The following LHX4 variants were observed in gnomAD, a reference collection of about 807,000 sequenced individuals.
The protein encoded by LHX4 is LIM/homeobox protein Lhx4.
A neutral mutation model predicts 39.2 loss-of-function variants in LHX4; 16 were observed. The observed-to-expected ratio is 0.41, with a 90% confidence interval of 0.28 to 0.62. The LOEUF (loss-of-function observed/expected upper bound fraction) is 0.62. Among genes scored for constraint, LHX4 ranks in the 20% least tolerant of loss-of-function variants. The pLI, the probability that LHX4 is intolerant of heterozygous loss-of-function variation, is 0.33. For missense variants in LHX4, 439 were observed against 511.9 expected (o/e 0.86, Z 1.37); for synonymous variants, 206 against 198.1 (o/e 1.04, Z -0.33).
At position 180,266,911 on chromosome 1, in the gene LHX4, AGGCTGGGGTGCTGAGGGGT is replaced by A. The variant is rs1447042500; in HGVS notation, c.451+325_451+343del. ...GGTGGTGGCCTCCTTCCCTGGGTGG[AGGCTGGGGTGCTGAGGGGT>A]GGCTGGGAGCTTGGTCTGTATTGGA... On this transcript the variant is annotated intron_variant, in intron 3 of 5. Coordinates refer to ENST00000263726, the MANE Select transcript of LHX4 (RefSeq NM_033343.4). This position sits in a 1 kb window ranked among gnomAD's most constrained non-coding sequence, Gnocchi z 5.7. Among the ~76,000 whole-genome samples, 2 of 152,120 alleles carry A rather than the reference AGGCTGGGGTGCTGAGGGGT, an allele frequency of 1.3e-5. No homozygotes were observed. The highest frequency in any genetic ancestry group is 2.9e-5 in the Non-Finnish European group (2 of 68,010).
chr1:180,238,641 AT>A (rs1322266641), intron 1 of LHX4, among the ~76,000 whole-genome samples: 1 of 152,174 alleles, frequency 6.6e-6, no homozygotes, highest in Non-Finnish European at 1.5e-5. Context: ...TAATGTTGGA[AT>A]TTTGTGCTTT....
chr1:180,230,015 GC>G (rs914433549), upstream of LHX4, among the ~76,000 whole-genome samples: 1 of 123,058 alleles, frequency 8.1e-6, no homozygotes, highest in Non-Finnish European at 1.6e-5. This position sits in a 1 kb window ranked among gnomAD's most constrained non-coding sequence, Gnocchi z 5.8. Context: ...CTGCCGCCCC[GC>G]CCCCCTCCGC....
At chr1:180,231,380 C>G (rs992737434) in intron 1 of LHX4, among the ~76,000 whole-genome samples, 2 of 151,794 alleles carry the variant, frequency 1.3e-5, no homozygotes, top group Non-Finnish European at 2.9e-5. Flanking sequence ...TTCCCGCGCC[C>G]GAAATTAGCG....
At position 180,277,663 on chromosome 1, in the gene LHX4, C is replaced by T. The variant is rs985881566; in HGVS notation, c.*3084C>T. On this transcript the variant is annotated 3_prime_UTR_variant, in exon 6 of 6. Transcript: ENST00000263726. The stretch of plus-strand genomic sequence containing the variant: ...CAGTGTTGGGAGTCAGGTTCTTGGC[C>T]CTTCAAGGACTTGCTATGCAACCTC... 2.6e-4 allele frequency: 39 copies of T among 152,082 alleles called. No individual in the cohort carries two copies. The highest frequency in any genetic ancestry group is 9.4e-4 in the African/African-American group (39 of 41,398). 9.4% of individuals were successfully genotyped at this position (152,082 alleles called of 1,614,324 possible).
rs11305552 is a variant in LHX4 at position 180,237,214 on chromosome 1, C to CGG, written c.76+6616_76+6617dup. Among the ~76,000 whole-genome samples, 6 of 127,926 alleles carry CGG rather than the reference C, an allele frequency of 4.7e-5. No homozygotes were observed. The East Asian group carries it at 7.0e-4, about 15-fold the overall frequency. The allele number at this position is 127,926 out of a possible 152,430, so 83.9% of individuals were successfully genotyped here. ...TTCACGACACAGGGGTTTTACTCGGCGGGGGGGGCGGGGAGGAGGGCGGTC... is the reference window on the plus strand; with the variant it reads ...TTCACGACACAGGGGTTTTACTCGGCGGGGGGGGGGCGGGGAGGAGGGCGGTC... On this transcript the variant is annotated intron_variant, in intron 1 of 5. Transcript: ENST00000263726.
Position 180,230,563 on chromosome 1 carries a change from G to T in LHX4, c.34G>T (p.Ala12Ser). Reference protein sequence around the residue: ...MQSATVPAEGAVKGLPEMLGV... With the variant: ...MQSATVPAEGSVKGLPEMLGV... ...GAGTGCGACTGTCCCCGCGGAAGGG[G>T]CTGTCAAGGGGCTCCCGGAGATGCT... Residue 12 changes from alanine (A) to serine (S), a missense_variant, in exon 1 of 6, where the codon GCT becomes TCT. By Grantham distance (99) the Ala-to-Ser change is moderately conservative. Transcript: ENST00000263726. This position sits in a 1 kb window ranked among gnomAD's most constrained non-coding sequence, Gnocchi z 5.8. 6.2e-7 allele frequency: 1 copy of T among 1,613,988 alleles called. No homozygotes were observed. Among genetic ancestry groups the T allele is most frequent in the Non-Finnish European group, 8.5e-7 (1 of 1,179,990 alleles).
chr1:180,258,253 C>A (rs1647952307), intron 2 of LHX4, among the ~76,000 whole-genome samples: 1 of 152,140 alleles, frequency 6.6e-6, no homozygotes, highest in East Asian at 1.9e-4. Context: ...GAGCAGGTGA[C>A]ATTTCAGGGG....
rs1407947054 is a variant in LHX4 at position 180,230,529 on chromosome 1, G to C, written c.-1G>C. 3.7e-6 allele frequency: 6 copies of C among 1,613,534 alleles called. No homozygotes were observed. In the East Asian group the frequency reaches 1.1e-4, roughly 30 times the overall value. On this transcript the variant is annotated 5_prime_UTR_variant, in exon 1 of 6. Coordinates refer to ENST00000263726, the MANE Select transcript of LHX4 (RefSeq NM_033343.4). The surrounding 1 kb of genome is among the most constrained non-coding windows in gnomAD (Gnocchi z 5.8). ...TGCGACTCGCTGGCTTTCGCTCCGA[G>C]ATGATGCAGAGTGCGACTGTCCCCG...
chr1:180,259,867 C>T (rs1054940929), intron 2 of LHX4, among the ~76,000 whole-genome samples: 2 of 150,912 alleles, frequency 1.3e-5, no homozygotes, highest in Non-Finnish European at 2.9e-5. Flanking sequence ...GGAAGAACAG[C>T]GGGGTCCAAT....
rs200889836 is a variant in LHX4 at position 180,274,552 on chromosome 1, C to G, written c.1146C>G (p.Leu382=). ...TTCCAACTAGCCCAGGCTCTTGGCT[C>G]GATGAAATGGATCATCCTCCTTTTT... ...PDFPTSPGSW[L]DEMDHPPF Residue 382 remains leucine (L), a synonymous_variant, in exon 6 of 6, where the codon CTC becomes CTG. Coordinates refer to ENST00000263726, the MANE Select transcript of LHX4 (RefSeq NM_033343.4). The G allele has an allele frequency of 1.9e-6, 3 of 1,590,724 alleles. No homozygotes were observed. In the South Asian group the frequency reaches 3.3e-5, roughly 18 times the overall value.
In LHX4 at chr1:180,271,375, T is replaced by C. The variant is rs2764449; in HGVS notation, c.452-5T>C. ...AAGCCAGTAAGCAGTGGTTTTTCCT[T>C]GCAGATGACTCAGAGGCTGGAGCTA... On this transcript the variant is annotated splice_polypyrimidine_tract_variant and splice_region_variant and intron_variant, in intron 3 of 5. Coordinates refer to ENST00000263726, the MANE Select transcript of LHX4 (RefSeq NM_033343.4). 117,103 of 1,614,018 alleles carry C rather than the reference T, an allele frequency of 0.073. 4,703 individuals are homozygous for C. The highest frequency in any genetic ancestry group is 0.079 in the South Asian group (7,182 of 91,080).
intron 2 of LHX4, among the ~76,000 whole-genome samples, chr1:180,265,571 T>A (rs1462400235): frequency 6.6e-6 from 1 of 152,322 alleles, no homozygotes; most frequent in South Asian, 2.1e-4. Context: ...AGAAGCTGCC[T>A]TGGTGGCAGC....
chr1:180,260,371 G>A (rs1011176159), intron 2 of LHX4, among the ~76,000 whole-genome samples: 3 of 151,740 alleles, frequency 2.0e-5, no homozygotes, highest in African/African-American at 4.9e-5. Context: ...TAGAAGGCTC[G>A]GTCCCTGCAG....
intron 2 of LHX4, among the ~76,000 whole-genome samples, chr1:180,255,410 GCACA>G (rs367737552): frequency 6.6e-6 from 1 of 152,210 alleles, no homozygotes; most frequent in Non-Finnish European, 1.5e-5. Flanking sequence ...GCACACACAT[GCACA>G]CACACAGTGC....
upstream of LHX4, among the ~76,000 whole-genome samples, chr1:180,228,398 G>A (rs879074386): frequency 6.6e-6 from 1 of 152,184 alleles, no homozygotes; most frequent in Admixed American, 6.5e-5. Context: ...CAGTATTGGT[G>A]AGTGTCCAAG....
At chr1:180,248,618 C>T (rs899386117) in intron 2 of LHX4, 162 bp downstream of exon 2, 1 of 748,152 alleles carries the variant, frequency 1.3e-6, no homozygotes, top group African/African-American at 1.7e-5. Flanking sequence ...TTGAGGTCCC[C>T]CTTCTGATCA....
chr1:180,238,780 C>T (rs957456939), intron 1 of LHX4, among the ~76,000 whole-genome samples: 3 of 152,130 alleles, frequency 2.0e-5, no homozygotes, highest in African/African-American at 4.8e-5. Context: ...AATATAAAAA[C>T]GAGAACTATA....
intron 1 of LHX4, among the ~76,000 whole-genome samples, chr1:180,238,439 G>A (rs954183851): frequency 3.3e-5 from 5 of 152,198 alleles, no homozygotes; most frequent in Admixed American, 2.0e-4. Context: ...ATAAAAAGAC[G>A]TGAGTACACT....
intron 1 of LHX4, among the ~76,000 whole-genome samples, chr1:180,237,226 G>A (rs905253301): frequency 6.6e-6 from 1 of 152,068 alleles, no homozygotes; most frequent in African/African-American, 2.4e-5. Context: ...GGGGGGGCGG[G>A]GAGGAGGGCG....
Sources: gnomAD v4.1 joint callset for allele counts (sites outside exome capture counted in the v4.1 genomes callset) on GRCh38, gnomAD v4.1.1 for gene constraint, Gnocchi (gnomAD v3.1) non-coding constraint, MANE v1.5 for transcripts, NCBI Gene and HGNC (gene_info 2026-07-23, HGNC 2026-07-21) for gene names.